Variants in INSC observed in about 807,000 individuals in gnomAD.
INSC encodes the protein protein inscuteable homolog.
Under a neutral mutation model 58.6 loss-of-function variants are expected in INSC, and 67 were observed. That is an observed-to-expected ratio of 1.14 (90% CI 0.94 to 1.40). The LOEUF (loss-of-function observed/expected upper bound fraction) is 1.40. Ranked by LOEUF, INSC falls within the 40% of genes most tolerant of loss-of-function variation. The pLI is 0.00. For missense variants in INSC, 714 were observed against 692.0 expected, an observed-to-expected ratio of 1.03 and a Z score of -0.36; for synonymous variants, 262 against 276.1, an observed-to-expected ratio of 0.95 and a Z score of 0.51.
the INSC span, among the ~76,000 whole-genome samples, chr11:15,258,021 G>A: frequency 5.9e-5 from 9 of 152,148 alleles, no homozygotes; most frequent in Non-Finnish European, 1.2e-4. Context: ...GATTGAAGAG[G>A]AGCATATGAG....
intron 1 of INSC, among the ~76,000 whole-genome samples, chr11:15,139,029 A>C (rs1435159861): frequency 6.6e-6 from 1 of 152,244 alleles, no homozygotes; most frequent in Admixed American, 6.5e-5. Flanking sequence ...TCATTTGCTC[A>C]AGGCTTTAGA....
chr11:15,144,126 CTTT>C (rs1193942949), intron 1 of INSC, among the ~76,000 whole-genome samples: 1 of 152,138 alleles, frequency 6.6e-6, no homozygotes, highest in Non-Finnish European at 1.5e-5. Context: ...AAGTGCCTGG[CTTT>C]TTAAGTTTCT....
chr11:15,191,772 C>G (rs1312067421), intron 6 of INSC, among the ~76,000 whole-genome samples: 1 of 152,302 alleles, frequency 6.6e-6, no homozygotes, highest in Middle Eastern at 3.4e-3. Flanking sequence ...TCTCTGGGTT[C>G]CCATCCAGTG....
chr11:15,259,871 T>C, the INSC span, among the ~76,000 whole-genome samples: 7 of 152,288 alleles, frequency 4.6e-5, no homozygotes, highest in South Asian at 1.4e-3. Context: ...AAAGAAAAAT[T>C]ACCAGATTTT....
At chr11:15,200,530 C>A (rs1013838901) in intron 6 of INSC, among the ~76,000 whole-genome samples, 3 of 152,036 alleles carry the variant, frequency 2.0e-5, no homozygotes, top group African/African-American at 7.2e-5. Flanking sequence ...GGGTACTGAT[C>A]GCCAGCCCTA....
At chr11:15,262,658 A>ACACACG in the INSC span, among the ~76,000 whole-genome samples, 1 of 146,034 alleles carries the variant, frequency 6.8e-6, no homozygotes, top group East Asian at 2.0e-4. Flanking sequence ...GGTGATAAAC[A>ACACACG]CACACACACA....
At chr11:15,252,791 A>T in the INSC span, among the ~76,000 whole-genome samples, 1 of 152,196 alleles carries the variant, frequency 6.6e-6, no homozygotes, top group East Asian at 1.9e-4. Flanking sequence ...GACATATTTT[A>T]AAACCACCAC....
intron 7 of INSC, among the ~76,000 whole-genome samples, chr11:15,208,794 G>A (rs1353372161): frequency 1.3e-5 from 2 of 152,172 alleles, no homozygotes; most frequent in Non-Finnish European, 1.5e-5. Context: ...GACCCCATGT[G>A]CTGTGCAACA....
chr11:15,225,973 G>A (rs1056821912), intron 9 of INSC, 145 bp downstream of exon 9: 42 of 758,760 alleles, frequency 5.5e-5, no homozygotes, highest in Non-Finnish European at 7.7e-5. Context: ...TATTCTCCAC[G>A]TTTCTCATTG....
chr11:15,153,640 AG>A (rs1371529967), intron 2 of INSC, among the ~76,000 whole-genome samples: 5 of 152,248 alleles, frequency 3.3e-5, no homozygotes, highest in African/African-American at 1.2e-4. Flanking sequence ...ACAGAAACAT[AG>A]GGTGTGACCC....
upstream of INSC, chr11:15,112,639 T>TGTGTTG: frequency 5.1e-6 from 1 of 196,110 alleles, no homozygotes; most frequent in Non-Finnish European, 8.1e-6. Context: ...TGTGTGTGTA[T>TGTGTTG]TGGGAAGTGG....
the INSC span, among the ~76,000 whole-genome samples, chr11:15,252,514 G>A: frequency 6.6e-6 from 1 of 152,194 alleles, no homozygotes; most frequent in Non-Finnish European, 1.5e-5. Context: ...GTAGTGGGAG[G>A]CCTCAGTTCC....
chr11:15,112,620 GTGTGTGT>G, upstream of INSC: 1 of 740,022 alleles, frequency 1.4e-6, no homozygotes. Flanking sequence ...GTGTGTGTGT[GTGTGTGT>G]GTGTGTGTGT....
intron 12 of INSC, among the ~76,000 whole-genome samples, chr11:15,243,658 C>A (rs927394984): frequency 2.0e-5 from 3 of 152,054 alleles, no homozygotes; most frequent in Non-Finnish European, 4.4e-5. Context: ...TCTCTCTCTG[C>A]CGCTCTCTGT....
At chr11:15,242,284 T>C (rs553914446) in intron 12 of INSC, among the ~76,000 whole-genome samples, 5 of 152,154 alleles carry the variant, frequency 3.3e-5, no homozygotes. Context: ...TTTATTAGTG[T>C]GAAGGAGAGC....
Position 15,176,354 on chromosome 11 carries a change from G to C in INSC, c.402+268G>C, listed in dbSNP as rs147349983. On this transcript the variant is annotated intron_variant, in intron 3 of 12. Coordinates refer to ENST00000379556, the MANE Select transcript of INSC (RefSeq NM_001042536.3). ...CACTACTTTGAGAAGCTGTGCAGTG[G>C]TTGAATATATTGACTTTAATGCCAG... 1.5e-3 allele frequency among the ~76,000 whole-genome samples: 221 copies of C among 152,172 alleles called. 1 individual carries two copies. Among genetic ancestry groups the C allele is most frequent in the Non-Finnish European group, 2.5e-3 (169 of 68,008 alleles).
At chr11:15,225,572 G>C in intron 8 of INSC, 78 bp from the exon 9 acceptor site, 1 of 1,401,772 alleles carries the variant, frequency 7.1e-7, no homozygotes, top group South Asian at 1.3e-5. Flanking sequence ...TCTCCCAGAG[G>C]TATTGTGTGA....
chr11:15,242,148 T>C (rs1324922370), intron 12 of INSC, among the ~76,000 whole-genome samples: 1 of 152,234 alleles, frequency 6.6e-6, no homozygotes, highest in East Asian at 1.9e-4. Context: ...CATGTAATGA[T>C]TGGCCCCAAC....
intron 6 of INSC, among the ~76,000 whole-genome samples, chr11:15,194,484 C>G (rs1467005551): frequency 6.6e-6 from 1 of 152,170 alleles, no homozygotes; most frequent in Non-Finnish European, 1.5e-5. Context: ...TGAAGCATGG[C>G]CAGACTCTCA....
Sources: allele counts gnomAD v4.1 joint callset (sites outside exome capture counted in the v4.1 genomes callset), GRCh38; gene constraint gnomAD v4.1.1; transcripts MANE v1.5; gene names NCBI Gene and HGNC (gene_info 2026-07-23, HGNC 2026-07-21).